Variants in DPH6 observed in about 807,000 individuals in gnomAD.
The protein encoded by DPH6 is diphthamine biosynthesis 6.
In DPH6, 33 loss-of-function variants were observed where a neutral mutation model predicts 38.2. The observed-to-expected ratio is 0.86, with a 90% CI of 0.65 to 1.15. DPH6 has a LOEUF of 1.15. Ranked by LOEUF, DPH6 falls within the 50% of genes most tolerant of loss-of-function variation. The pLI, the probability that DPH6 is intolerant of heterozygous loss-of-function variation, is 0.00. For missense variants in DPH6, 325 were observed against 320.0 expected (o/e 1.02, Z -0.12); for synonymous variants, 108 against 103.0 (o/e 1.05, Z -0.30).
At chr15:35,237,222 C>T in intron 3 of DPH6, 2 of 1,007,808 alleles carry the variant, frequency 2.0e-6, no homozygotes, top group Non-Finnish European at 3.1e-6. Context: ...GCTGGGGGCT[C>T]GAGAACTGAG....
intron 3 of DPH6, among the ~76,000 whole-genome samples, chr15:35,457,875 A>T (rs983434966): frequency 6.6e-6 from 1 of 152,130 alleles, no homozygotes; most frequent in African/African-American, 2.4e-5. Context: ...CTGTGTTACT[A>T]CTTCTACTAT....
chr15:35,357,573 T>C lies in DPH6; in HGVS notation n.207+15948A>G, dbSNP rs112256697. 6.3e-3 allele frequency among the ~76,000 whole-genome samples: 960 copies of C among 152,354 alleles called. 12 individuals carry two copies. The highest frequency in any genetic ancestry group is 0.022 in the African/African-American group (921 of 41,578). Reference sequence around the variant, plus strand: ...TCCTTTTAGTTCTTGTAGTGGTGGCTTGGTAATGGTGAATTCTGTCAGCAT... The same window carrying C: ...TCCTTTTAGTTCTTGTAGTGGTGGCCTGGTAATGGTGAATTCTGTCAGCAT... On this transcript the variant is annotated intron_variant and non_coding_transcript_variant, in intron 3 of 3. Coordinates refer to the DPH6 transcript ENST00000558973.
chr15:35,255,396 G>A (rs567020989), intron 3 of DPH6, among the ~76,000 whole-genome samples: 1 of 152,262 alleles, frequency 6.6e-6, no homozygotes, highest in South Asian at 2.1e-4. Context: ...GAGGGCTGAA[G>A]ACTATTTCTA....
the DPH6 span, among the ~76,000 whole-genome samples, chr15:35,181,641 A>T: frequency 5.9e-5 from 9 of 152,132 alleles, no homozygotes; most frequent in African/African-American, 2.2e-4. Context: ...AGGTGTACTT[A>T]ATACATAAAC....
At chr15:35,176,775 A>C in the DPH6 span, among the ~76,000 whole-genome samples, 1 of 152,130 alleles carries the variant, frequency 6.6e-6, no homozygotes, top group Admixed American at 6.5e-5. Context: ...CTGGCCTGTA[A>C]GGTCTTTTAA....
chr15:35,432,649 C>T (rs1248382890), intron 5 of DPH6, among the ~76,000 whole-genome samples: 2 of 152,030 alleles, frequency 1.3e-5, no homozygotes, highest in African/African-American at 4.8e-5. Context: ...TCAAATTATC[C>T]ATCAATGTGT....
intron 3 of DPH6, among the ~76,000 whole-genome samples, chr15:35,352,764 A>G (rs1307375668): frequency 2.6e-5 from 4 of 152,232 alleles, no homozygotes. Context: ...TCTTTAGAGC[A>G]GCATGATTTA....
At chr15:35,226,733 A>T (rs1392533281) in intron 3 of DPH6, among the ~76,000 whole-genome samples, 2 of 152,238 alleles carry the variant, frequency 1.3e-5, no homozygotes, top group Non-Finnish European at 2.9e-5. Flanking sequence ...AAGAATGAAT[A>T]CAGTTAAAAT....
At chr15:35,532,752 A>G (rs936831341) in intron 3 of DPH6, among the ~76,000 whole-genome samples, 3 of 152,006 alleles carry the variant, frequency 2.0e-5, no homozygotes, top group Admixed American at 6.6e-5. Flanking sequence ...CTGTTTTTTA[A>G]AGAGGAGGAG....
chr15:35,378,990 C>T (rs1453721072), intron 7 of DPH6, among the ~76,000 whole-genome samples: 1 of 152,062 alleles, frequency 6.6e-6, no homozygotes, highest in Non-Finnish European at 1.5e-5. Flanking sequence ...AACAAACAAA[C>T]AAACAAACCC....
At chr15:35,364,516 T>A (rs1289500566) in intron 3 of DPH6, among the ~76,000 whole-genome samples, 1 of 152,072 alleles carries the variant, frequency 6.6e-6, no homozygotes, top group Non-Finnish European at 1.5e-5. Flanking sequence ...CAGATTACTG[T>A]CATCCTGGAA....
intron 3 of DPH6, among the ~76,000 whole-genome samples, chr15:35,517,424 T>C (rs1029800114): frequency 2.6e-5 from 4 of 152,088 alleles, no homozygotes; most frequent in African/African-American, 9.7e-5. Flanking sequence ...AAAGAAAAAA[T>C]ACCTTATTCA....
At chr15:35,274,013 C>A (rs1373231585) in intron 3 of DPH6, among the ~76,000 whole-genome samples, 3 of 152,166 alleles carry the variant, frequency 2.0e-5, no homozygotes, top group African/African-American at 7.2e-5. Context: ...TACTATAAGG[C>A]TTCAGTAACC....
exon 4 of DPH6, chr15:35,218,565 CTGAT>C (rs1259768674): frequency 6.6e-6 from 1 of 152,146 alleles, no homozygotes. Context: ...AGACTTCTTA[CTGAT>C]TAAGTTAGAC....
chr15:35,356,183 T>G (rs186354606), intron 3 of DPH6, among the ~76,000 whole-genome samples: 130 of 152,310 alleles, frequency 8.5e-4, no homozygotes, highest in African/African-American at 3.0e-3. Flanking sequence ...TAGTCAGTCA[T>G]GTAATCTTTT....
At chr15:35,373,488 A>G (rs1217221352) in intron 8 of DPH6, 33 bp downstream of exon 8, 1 of 1,568,668 alleles carries the variant, frequency 6.4e-7, no homozygotes, top group Non-Finnish European at 8.7e-7. Flanking sequence ...TCAAATTTCT[A>G]TTGAAATCAC....
chr15:35,366,119 C>T, downstream of DPH6: 1 of 719,090 alleles, frequency 1.4e-6, no homozygotes, highest in Non-Finnish European at 1.7e-6. Context: ...TGGCAGCATA[C>T]CTCCATGGAT....
At chr15:35,496,159 T>G (rs2054545965) in intron 3 of DPH6, among the ~76,000 whole-genome samples, 1 of 152,186 alleles carries the variant, frequency 6.6e-6, no homozygotes, top group Non-Finnish European at 1.5e-5. Context: ...ATAAAATGCC[T>G]TATCTAATTA....
chr15:35,380,646 A>G (rs949926863), intron 7 of DPH6, among the ~76,000 whole-genome samples: 1 of 152,178 alleles, frequency 6.6e-6, no homozygotes, highest in Non-Finnish European at 1.5e-5. Context: ...TTCTTGAATA[A>G]TATAACGTAT....
Sources: allele counts gnomAD v4.1 joint callset (sites outside exome capture counted in the v4.1 genomes callset), GRCh38; gene constraint gnomAD v4.1.1; transcripts MANE v1.5; gene names NCBI Gene and HGNC (gene_info 2026-07-23, HGNC 2026-07-21).